Variants in ELF3 observed in about 807,000 individuals in gnomAD.
The protein encoded by ELF3 is ETS-related transcription factor Elf-3.
ELF3 carries 18 observed loss-of-function variants against 43.9 expected under a neutral mutation model. The ratio of observed to expected loss-of-function variants is 0.41; its 90% CI spans 0.28 to 0.61. ELF3 has a LOEUF of 0.61. Ranked by LOEUF, ELF3 falls within the 20% of genes least tolerant of loss-of-function variation. ELF3 has a pLI of 0.30. For missense variants in ELF3, 373 were observed against 487.7 expected, an observed-to-expected ratio of 0.76 and a Z score of 2.21; for synonymous variants, 181 against 190.2, an observed-to-expected ratio of 0.95 and a Z score of 0.40.
rs1348639464 is a variant in ELF3, at chr1:202,013,619, C to T, written c.806-210C>T. ...GCCACTGTCCTGCCCTCTGGGACAC[C>T]CTCAATGTGAGGAGGCAGCTGGTGG... is the stretch of plus-strand genomic sequence containing the variant. On this transcript the variant is annotated intron_variant, in intron 7 of 8. Coordinates refer to ENST00000367284, the MANE Select transcript of ELF3 (RefSeq NM_004433.5). This position sits in a 1 kb window ranked among gnomAD's most constrained non-coding sequence, Gnocchi z 5.7. Among the ~76,000 whole-genome samples the T allele has an allele frequency of 6.6e-6, 1 of 152,156 alleles. No homozygotes were observed. The highest frequency in any genetic ancestry group is 2.1e-4 in the South Asian group (1 of 4,830).
At chr1:202,014,284 G>A (rs1284950169) in intron 8 of ELF3, among the ~76,000 whole-genome samples, 1 of 152,216 alleles carries the variant, frequency 6.6e-6, no homozygotes, top group Non-Finnish European at 1.5e-5. Context: ...CCTCAGGAAG[G>A]CACCTGGAGA....
Position 202,015,445 on chromosome 1 carries a change from G to C in ELF3, c.*122G>C. The C allele has an allele frequency of 2.1e-6, 2 of 942,412 alleles. No homozygotes were observed. The highest frequency in any genetic ancestry group is 3.2e-6 in the Non-Finnish European group (2 of 620,836). The allele number at this position is 942,412 out of a possible 1,614,324, so 58.4% of individuals were successfully genotyped here. ...AATGCTCCCAGCTGTGCTGTGGAGA[G>C]AAGCTGATGTTTTGGTGTATTGTCA... On this transcript the variant is annotated 3_prime_UTR_variant, in exon 9 of 9. Transcript: ENST00000367284.
rs780385026 is a variant in ELF3, at chr1:202,013,798, G to A, written c.806-31G>A. On this transcript the variant is annotated intron_variant, in intron 7 of 8. Transcript: ENST00000367284. This position sits in a 1 kb window ranked among gnomAD's most constrained non-coding sequence, Gnocchi z 5.7. Reference sequence around the variant, plus strand: ...GGCCTTGGGTGAGAGGGGACACCTGGATGGCAAACTGATGGAGGCTGGCCT... The same window carrying A: ...GGCCTTGGGTGAGAGGGGACACCTGAATGGCAAACTGATGGAGGCTGGCCT... The A allele has an allele frequency of 3.5e-5, 55 of 1,591,684 alleles. No individual in the cohort carries two copies. Among genetic ancestry groups the A allele is most frequent in the Non-Finnish European group, 4.6e-5 (54 of 1,165,774 alleles).
chr1:202,014,766 C>T (rs1484197596), intron 8 of ELF3: 2 of 166,066 alleles, frequency 1.2e-5, no homozygotes, highest in African/African-American at 4.8e-5. Context: ...GCCACCATGC[C>T]CAGCTAATTT....
rs1329720757 is a variant in ELF3, at chr1:202,017,032, C to G, written c.*1709C>G. 6.6e-6 allele frequency: 1 copy of G among 152,182 alleles called. No individual in the cohort carries two copies. Among genetic ancestry groups the G allele is most frequent in the Admixed American group, 6.5e-5 (1 of 15,276 alleles). 9.4% of individuals were successfully genotyped at this position (152,182 alleles called of 1,614,324 possible). Reference sequence around the variant, plus strand: ...CATTGATGTTACTTAAGAATGCTTTCCAGGTGGAAAGTTCCTTAAGTTTGA... The same window carrying G: ...CATTGATGTTACTTAAGAATGCTTTGCAGGTGGAAAGTTCCTTAAGTTTGA... On this transcript the variant is annotated 3_prime_UTR_variant, in exon 9 of 9. Transcript: ENST00000367284.
At position 202,012,783 on chromosome 1, in the gene ELF3, A is replaced by G; in HGVS notation, c.598+24A>G. ...AGGTGAGAGCTCTCTCTGGGCCACA[A>G]CCTCCCTTCCCCGAAGTGTCCCTTG... On this transcript the variant is annotated intron_variant, in intron 5 of 8. Transcript: ENST00000367284. This position sits in a 1 kb window ranked among gnomAD's most constrained non-coding sequence, Gnocchi z 4.2. 6.5e-7 allele frequency: 1 copy of G among 1,539,478 alleles called. No homozygotes were observed. Among genetic ancestry groups the G allele is most frequent in the South Asian group, 1.3e-5 (1 of 79,720 alleles).
At chr1:202,011,086 C>T in intron 1 of ELF3, 43 bp from the exon 2 acceptor site, 2 of 1,604,720 alleles carry the variant, frequency 1.2e-6, no homozygotes, top group East Asian at 4.5e-5. Context: ...GGAGAGGACC[C>T]TCGTCCCCTC....
intron 2 of ELF3, 40 bp from the exon 3 acceptor site, chr1:202,011,917 T>G (rs1571659827): frequency 1.5e-5 from 24 of 1,576,044 alleles, no homozygotes; most frequent in Middle Eastern, 4.3e-4. Context: ...GTCTGCTGGG[T>G]GGCCTGAGCT....
rs1169377361 is a variant in ELF3 at position 202,011,877 on chromosome 1, CAAA to C, written c.164-65_164-63del. On this transcript the variant is annotated intron_variant, in intron 2 of 8. Transcript: ENST00000367284. ...AGGTGACAGGAGTGAGACTCCATCT[CAAA>C]AAAAAAAAAAAAAATGGGGCTGTAA... The C allele has an allele frequency of 2.3e-3, 2,844 of 1,219,188 alleles. 1 individual carries two copies. Among genetic ancestry groups the C allele is most frequent in the African/African-American group, 5.7e-3 (335 of 58,640 alleles). The allele number at this position is 1,219,188 out of a possible 1,614,324, so 75.5% of individuals were successfully genotyped here.
rs1363961016 is a variant in ELF3, at chr1:202,013,476, G to C, written c.805+178G>C. ...GGTCACCACCTAATTGCAGAGCCTG[G>C]CTTGGTGGTCCTGGAGAGGAGGAGG... On this transcript the variant is annotated intron_variant, in intron 7 of 8. Transcript: ENST00000367284. This position sits in a 1 kb window ranked among gnomAD's most constrained non-coding sequence, Gnocchi z 5.7. 5.9e-5 allele frequency among the ~76,000 whole-genome samples: 9 copies of C among 152,188 alleles called. No individual in the cohort carries two copies. The highest frequency in any genetic ancestry group is 1.9e-4 in the East Asian group (1 of 5,182).
chr1:202,012,724 C>T lies in ELF3; in HGVS notation c.563C>T (p.Ala188Val). 6.3e-7 allele frequency: 1 copy of T among 1,596,166 alleles called. No homozygotes were observed. Among genetic ancestry groups the T allele is most frequent in the African/African-American group, 1.3e-5 (1 of 74,526 alleles). ...PYHPGSCGAG[A>V]PSPGSSDVST... ...CACCCCGGCAGCTGTGGCGCAGGAG[C>T]CCCCTCCCCTGGCAGCTCTGACGTC... Residue 188 changes from alanine to valine, a missense_variant, in exon 5 of 9, where the codon GCC (alanine) becomes GTC (valine). Physicochemically the swap from Ala to Val is moderately conservative, Grantham distance 64 (BLOSUM62 0). This residue lies in a region of ELF3 where 311 missense variants were observed against 351.2 expected (regional missense o/e 0.89). Coordinates refer to ENST00000367284, the MANE Select transcript of ELF3 (RefSeq NM_004433.5). This position sits in a 1 kb window ranked among gnomAD's most constrained non-coding sequence, Gnocchi z 4.2.
At chr1:202,015,164 C>T (rs1203306634) in intron 8 of ELF3, 45 bp from the exon 9 acceptor site, 8 of 1,605,376 alleles carry the variant, frequency 5.0e-6, no homozygotes, top group Non-Finnish European at 6.8e-6. Context: ...AGCCTGGGGC[C>T]CATTTCCTGC....
chr1:202,011,770 G>C (rs371147507), intron 2 of ELF3, 187 bp from the exon 3 acceptor site: 4 of 617,520 alleles, frequency 6.5e-6, no homozygotes, highest in South Asian at 6.1e-5. Flanking sequence ...CCAGCTACTG[G>C]GGAGGCTGAC....
In ELF3 at chr1:202,012,539, C is replaced by T; in HGVS notation, c.479-101C>T. On this transcript the variant is annotated intron_variant, in intron 4 of 8. Transcript: ENST00000367284. The surrounding 1 kb of genome is among the most constrained non-coding windows in gnomAD (Gnocchi z 4.2). ...CCCCTCCCCAGACTTCTTCCTCCCT[C>T]AATTAGAAAAATTGCAGCAGGTCAT... 1.3e-6 allele frequency: 2 copies of T among 1,556,256 alleles called. No individual in the cohort carries two copies. The highest frequency in any genetic ancestry group is 1.7e-6 in the Non-Finnish European group (2 of 1,151,948).
chr1:202,013,262 T>C lies in ELF3; in HGVS notation c.769T>C (p.Tyr257His). 1 of 1,613,418 alleles carries C rather than the reference T, an allele frequency of 6.2e-7. No individual in the cohort carries two copies. ...CCGGCCCCGAAAGCTGAGCAAAGAGTACTGGGACTGTCTCGAGGGCAAGAA... is the reference window on the plus strand; with the variant it reads ...CCGGCCCCGAAAGCTGAGCAAAGAGCACTGGGACTGTCTCGAGGGCAAGAA... Reference protein sequence around the residue: ...RGRPRKLSKEYWDCLEGKKSK... With the variant: ...RGRPRKLSKEHWDCLEGKKSK... Residue 257 changes from tyrosine to histidine, a missense_variant, in exon 7 of 9, where the codon TAC becomes CAC. Tyr to His is a moderately conservative substitution (Grantham distance 83). Coordinates refer to ENST00000367284, the MANE Select transcript of ELF3 (RefSeq NM_004433.5). This position sits in a 1 kb window ranked among gnomAD's most constrained non-coding sequence, Gnocchi z 5.7.
chr1:202,012,322 C>T lies in ELF3; in HGVS notation c.386-22C>T. The T allele has an allele frequency of 3.1e-6, 5 of 1,612,806 alleles. No homozygotes were observed. The South Asian group carries it at 5.5e-5, about 18-fold the overall frequency. On this transcript the variant is annotated intron_variant, in intron 3 of 8. Transcript: ENST00000367284. The surrounding 1 kb of genome is among the most constrained non-coding windows in gnomAD (Gnocchi z 4.2). ...TGAGGGAGGGATTAGGGGAGTGTGA[C>T]CCTTCCTTCCTTCCTTGTCAGCTTC...
At position 202,013,319 on chromosome 1, in the gene ELF3, G is replaced by A; in HGVS notation, c.805+21G>A. 6.2e-7 allele frequency: 1 copy of A among 1,609,900 alleles called. No individual in the cohort carries two copies. The highest frequency in any genetic ancestry group is 8.5e-7 in the Non-Finnish European group (1 of 1,176,658). On this transcript the variant is annotated intron_variant, in intron 7 of 8. Coordinates refer to ENST00000367284, the MANE Select transcript of ELF3 (RefSeq NM_004433.5). This position sits in a 1 kb window ranked among gnomAD's most constrained non-coding sequence, Gnocchi z 5.7. ...GCACGGTGAGCTCCGGGGGCACGTG[G>A]GTCCTCCCTGCGCCGGGCTGAGCGG... is the stretch of plus-strand genomic sequence containing the variant.
At chr1:202,015,132 C>T (rs1020288130) in intron 8 of ELF3, 77 bp from the exon 9 acceptor site, 25 of 1,481,824 alleles carry the variant, frequency 1.7e-5, no homozygotes, top group Middle Eastern at 2.0e-4. Flanking sequence ...GGGGGTAACG[C>T]GGGCCAGGTG....
At chr1:202,014,118 T>C in intron 8 of ELF3, 94 bp downstream of exon 8, 1 of 1,423,624 alleles carries the variant, frequency 7.0e-7, no homozygotes, top group Non-Finnish European at 9.4e-7. Context: ...ACTTGGCTTC[T>C]TGCAACAGGG....
Sources: gnomAD v4.1 joint callset for allele counts (sites outside exome capture counted in the v4.1 genomes callset) on GRCh38, gnomAD v4.1.1 for gene constraint, gnomAD v4.1.1 regional missense constraint, Gnocchi (gnomAD v3.1) non-coding constraint, MANE v1.5 for transcripts, NCBI Gene and HGNC (gene_info 2026-07-23, HGNC 2026-07-21) for gene names.